The following CLASP2 variants were observed in gnomAD, a reference collection of about 807,000 sequenced individuals.
CLASP2 encodes the protein CLIP-associating protein 2.
In CLASP2, 47 loss-of-function variants were observed where a neutral mutation model predicts 194.4. That is an observed-to-expected ratio of 0.24 (90% CI 0.19 to 0.31). The LOEUF (loss-of-function observed/expected upper bound fraction) is 0.31. Among genes scored for constraint, CLASP2 ranks in the 10% least tolerant of loss-of-function variants. CLASP2 has a pLI of 1.00. For synonymous variants in CLASP2, 619 were observed against 633.5 expected, an observed-to-expected ratio of 0.98 and a Z score of 0.34; for missense variants, 1,445 against 1,823.6, an observed-to-expected ratio of 0.79 and a Z score of 3.78.
chr3:33,523,133 T>C (rs1488320384), intron 34 of CLASP2, among the ~76,000 whole-genome samples: 3 of 152,142 alleles, frequency 2.0e-5, no homozygotes, highest in African/African-American at 7.2e-5. Flanking sequence ...AATAAGCATA[T>C]TTGAGCAGGC....
At chr3:33,581,723 T>G in intron 23 of CLASP2, 98 bp downstream of exon 23, 1 of 755,344 alleles carries the variant, frequency 1.3e-6, no homozygotes, top group Admixed American at 2.3e-5. Flanking sequence ...GAGAAAGATC[T>G]GTCGACAAAG....
intron 3 of CLASP2, 74 bp from the exon 4 acceptor site, chr3:33,688,442 A>T: frequency 9.3e-7 from 1 of 1,069,792 alleles, no homozygotes; most frequent in Non-Finnish European, 1.4e-6. Context: ...TTTCTTCCCA[A>T]TCTTACTACC....
intron 12 of CLASP2, among the ~76,000 whole-genome samples, chr3:33,616,878 C>A (rs562180962): frequency 1.3e-5 from 2 of 151,202 alleles, no homozygotes; most frequent in African/African-American, 4.9e-5. Flanking sequence ...GCTGGGATTA[C>A]AGGCATGCAC....
At chr3:33,610,203 G>T (rs2074851657) in intron 13 of CLASP2, among the ~76,000 whole-genome samples, 1 of 152,062 alleles carries the variant, frequency 6.6e-6, no homozygotes, top group Non-Finnish European at 1.5e-5. Context: ...TTCATAGCTG[G>T]AGTAAAAATT....
chr3:33,608,510 C>G, intron 14 of CLASP2, 57 bp downstream of exon 14: 1 of 1,343,224 alleles, frequency 7.4e-7, no homozygotes, highest in Non-Finnish European at 1.1e-6. Context: ...CCATCAACTT[C>G]TAAAGAACTG....
intron 4 of CLASP2, among the ~76,000 whole-genome samples, chr3:33,687,899 G>T (rs901279875): frequency 3.3e-5 from 5 of 152,182 alleles, no homozygotes; most frequent in African/African-American, 4.8e-5. Context: ...CACCCACACT[G>T]CTCTAGGGGT....
At chr3:33,611,947 C>T in intron 13 of CLASP2, 54 bp downstream of exon 13, 1 of 1,150,396 alleles carries the variant, frequency 8.7e-7, no homozygotes. Context: ...AATAATTAAA[C>T]AATGCAGTAT....
chr3:33,548,150 GTT>G (rs1371028280), intron 30 of CLASP2, among the ~76,000 whole-genome samples: 1 of 151,278 alleles, frequency 6.6e-6, no homozygotes, highest in Non-Finnish European at 1.5e-5. Context: ...TCTTCAGTCA[GTT>G]TTGGTAGTTT....
chr3:33,549,045 C>T (rs1029860393), intron 30 of CLASP2, among the ~76,000 whole-genome samples: 11 of 145,090 alleles, frequency 7.6e-5, no homozygotes, highest in African/African-American at 3.1e-4. Flanking sequence ...GTGTGAGCCA[C>T]CACACCCAGG....
chr3:33,525,494 A>G (rs2054279552), intron 34 of CLASP2, among the ~76,000 whole-genome samples: 1 of 151,960 alleles, frequency 6.6e-6, no homozygotes, highest in South Asian at 2.1e-4. Context: ...ACAGCAGCCC[A>G]CTAGAGAGCA....
At position 33,604,169 on chromosome 3, in the gene CLASP2, T is replaced by C. The variant is rs1020032312; in HGVS notation, c.1735A>G (p.Thr579Ala). The change falls in exon 17 of 39, where the codon ACT becomes GCT. Residue 579 changes from threonine (T) to alanine (A), a missense_variant. Physicochemically the swap from Thr to Ala is moderately conservative, Grantham distance 58. Coordinates refer to ENST00000682230, the MANE Select transcript of CLASP2 (RefSeq NM_001365631.1). ...AGAAAATTACCTCTTCCAGCCACAG[T>C]TGATGGATTTGCTGTAGACCATTTG... is the stretch of plus-strand genomic sequence containing the variant. ...SSKWSTANPS[T>A]VAGRVSAGSS... The C allele has an allele frequency of 3.8e-6, 6 of 1,559,864 alleles. No individual in the cohort carries two copies. In the African/African-American group the frequency reaches 6.8e-5, roughly 18 times the overall value.
chr3:33,708,913 G>A (rs1281582413), intron 1 of CLASP2, among the ~76,000 whole-genome samples: 3 of 151,990 alleles, frequency 2.0e-5, no homozygotes, highest in African/African-American at 4.8e-5. Flanking sequence ...ATATTTCATC[G>A]TGGTTCTGAC....
chr3:33,543,504 T>C lies in CLASP2; in HGVS notation c.3333A>G (p.Pro1111=), dbSNP rs1310120672. ...GACTGGACCAGTTAGCTGGTGATCG[T>C]GGTGTTGGTCTTGTCAAAGGACTCC... ...SMGSPLTRPT[P]RSPANWSSPL... is the part of the protein sequence containing the mutation. The change falls in exon 32 of 39, where the codon CCA becomes CCG. Residue 1111 remains proline (P), a synonymous_variant. Transcript: ENST00000682230. 2.5e-6 allele frequency: 4 copies of C among 1,613,380 alleles called. No individual in the cohort carries two copies. In the African/African-American group the frequency reaches 5.3e-5, roughly 22 times the overall value.
At position 33,573,314 on chromosome 3, in the gene CLASP2, T is replaced by C. The variant is rs776307662; in HGVS notation, c.2495A>G (p.His832Arg). ...ARRRYESYGM[H>R]SDDDANSDAS... is the part of the protein sequence containing the mutation. ...ATCGCTGTTGGCGTCATCATCTGAA[T>C]GCATTCCATATGATTCATATCTTCT... The change falls in exon 25 of 39, where the codon CAT becomes CGT. Residue 832 changes from histidine to arginine, a missense_variant. His to Arg is a conservative substitution (Grantham distance 29). Transcript: ENST00000682230. 6.2e-7 allele frequency: 1 copy of C among 1,613,730 alleles called. No individual in the cohort carries two copies. The highest frequency in any genetic ancestry group is 1.7e-5 in the Admixed American group (1 of 60,026).
rs1323180371 is a variant in CLASP2 at position 33,581,809 on chromosome 3, C to A, written c.2347+12G>T. ...GATAAGCAATGCACATAACACCTGC[C>A]CGAATACGTACCGAGGGGCTGAAAA... On this transcript the variant is annotated intron_variant, in intron 23 of 38. Coordinates refer to ENST00000682230, the MANE Select transcript of CLASP2 (RefSeq NM_001365631.1). 2 of 1,596,716 alleles carry A rather than the reference C, an allele frequency of 1.3e-6. No homozygotes were observed. Among genetic ancestry groups the A allele is most frequent in the Non-Finnish European group, 1.7e-6 (2 of 1,165,620 alleles).
intron 37 of CLASP2, among the ~76,000 whole-genome samples, chr3:33,508,006 T>G (rs919320841): frequency 5.3e-5 from 8 of 150,892 alleles, no homozygotes; most frequent in African/African-American, 1.9e-4. Flanking sequence ...TATATATATA[T>G]TTTTTGGAGA....
chr3:33,715,378 G>C (rs2093242408), intron 1 of CLASP2, among the ~76,000 whole-genome samples: 1 of 152,108 alleles, frequency 6.6e-6, no homozygotes, highest in African/African-American at 2.4e-5. Context: ...ATCTTGCCTA[G>C]TATTCCCTAT....
intron 29 of CLASP2, chr3:33,558,385 C>T (rs991757660): frequency 6.6e-6 from 1 of 152,108 alleles, no homozygotes; most frequent in Admixed American, 6.6e-5. Flanking sequence ...AGGGAAAAAT[C>T]AATCCTGGGC....
chr3:33,609,957 G>A (rs1296931034), intron 13 of CLASP2, among the ~76,000 whole-genome samples: 1 of 152,156 alleles, frequency 6.6e-6, no homozygotes. Flanking sequence ...TTGGCATTCT[G>A]ACTCCAGAAC....
Sources: gnomAD v4.1 joint callset for allele counts (sites outside exome capture counted in the v4.1 genomes callset) on GRCh38, gnomAD v4.1.1 for gene constraint, MANE v1.5 for transcripts, NCBI Gene and HGNC (gene_info 2026-07-23, HGNC 2026-07-21) for gene names.